The following KIAA0825 variants were observed in gnomAD, a reference collection of about 807,000 sequenced individuals.
KIAA0825 encodes uncharacterized protein KIAA0825.
In KIAA0825, 119 loss-of-function variants were observed where a neutral mutation model predicts 147.6. The ratio of observed to expected loss-of-function variants is 0.81; its 90% CI spans 0.69 to 0.94. The LOEUF (loss-of-function observed/expected upper bound fraction) is 0.94, where lower values mean the gene tolerates loss of function less well. Among genes scored for constraint, KIAA0825 ranks in the 40% least tolerant of loss-of-function variants. The probability of loss-of-function intolerance (pLI) is 0.00; values close to 1 mark genes in which losing one functional copy is unlikely to be tolerated. For synonymous variants in KIAA0825, 470 were observed against 518.1 expected, an observed-to-expected ratio of 0.91 and a Z score of 1.26; for missense variants, 1,381 against 1,472.7, an observed-to-expected ratio of 0.94 and a Z score of 1.02.
At chr5:94,182,990 A>T (rs1313712131) in intron 20 of KIAA0825, among the ~76,000 whole-genome samples, 1 of 152,118 alleles carries the variant, frequency 6.6e-6, no homozygotes, top group African/African-American at 2.4e-5. Context: ...CTGTCCCAAG[A>T]GGTTGTGTAT....
chr5:94,584,087 A>G lies in KIAA0825; in HGVS notation c.-152-1504T>C, dbSNP rs567756514. ...AAAACCACAAAGATGGGGAGAAACTAGAGCAGAAAGACTGAAAATTCCAAA... is the reference window on the plus strand; with the variant it reads ...AAAACCACAAAGATGGGGAGAAACTGGAGCAGAAAGACTGAAAATTCCAAA... On this transcript the variant is annotated intron_variant, in intron 1 of 20. Transcript: ENST00000682413. Among the ~76,000 whole-genome samples, 9 of 152,390 alleles carry G rather than the reference A, an allele frequency of 5.9e-5. No homozygotes were observed. The East Asian group carries it at 1.3e-3, about 23-fold the overall frequency.
In KIAA0825 at chr5:94,464,989, G is replaced by A; in HGVS notation, c.1943C>T (p.Thr648Ile). The change falls in exon 11 of 21, where the codon ACC becomes ATC. Residue 648 changes from threonine to isoleucine, a missense_variant. Thr to Ile is a moderately conservative substitution (Grantham distance 89). Coordinates refer to ENST00000682413, the MANE Select transcript of KIAA0825 (RefSeq NM_001145678.3). ...CTGGGCTAACTTAGGAGGCAGAATG[G>A]TCCAGAGATCGTAATGAAGAGACCA... ...FCWSLHYDLW[T>I]ILPPKLAQEI... is the part of the protein sequence containing the mutation. 6.4e-7 allele frequency: 1 copy of A among 1,551,706 alleles called. No homozygotes were observed. Among genetic ancestry groups the A allele is most frequent in the South Asian group, 1.2e-5 (1 of 84,058 alleles).
At chr5:94,466,736 CAAAAAAAAA>C (rs56785201) in intron 10 of KIAA0825, among the ~76,000 whole-genome samples, 29 of 61,392 alleles carry the variant, frequency 4.7e-4, no homozygotes, top group Admixed American at 1.6e-3. Context: ...GACTGTGTCT[CAAAAAAAAA>C]AAAAAAAAAA....
intron 5 of KIAA0825, among the ~76,000 whole-genome samples, chr5:94,488,622 T>C (rs1584656421): frequency 6.6e-6 from 1 of 152,158 alleles, no homozygotes; most frequent in East Asian, 1.9e-4. Flanking sequence ...TATTATTTAG[T>C]GTATTTAAAA....
chr5:94,230,197 A>G (rs1168890164), intron 20 of KIAA0825, among the ~76,000 whole-genome samples: 3 of 152,180 alleles, frequency 2.0e-5, no homozygotes. Flanking sequence ...AGAATCTCCC[A>G]CTTGGAAGGT....
At chr5:94,466,246 T>G (rs563963408) in intron 10 of KIAA0825, among the ~76,000 whole-genome samples, 48 of 152,338 alleles carry the variant, frequency 3.2e-4, no homozygotes, top group Admixed American at 2.9e-3. Context: ...TACTAATATC[T>G]TCTGCAGCCA....
At position 94,370,628 on chromosome 5, in the gene KIAA0825, C is replaced by T. The variant is rs189887291; in HGVS notation, c.3710+13740G>A. On this transcript the variant is annotated intron_variant, in intron 20 of 20. Transcript: ENST00000682413. ...ATAAATTTAAAAACATAGTATCGGC[C>T]GGTTGCTGTGGCTGAAGCCTGTAAT... Among the ~76,000 whole-genome samples the T allele has an allele frequency of 2.2e-3, 337 of 152,100 alleles. 1 individual carries two copies. The highest frequency in any genetic ancestry group is 7.4e-3 in the African/African-American group (308 of 41,464).
chr5:94,550,765 C>A (rs147870501), intron 2 of KIAA0825, among the ~76,000 whole-genome samples: 80 of 151,726 alleles, frequency 5.3e-4, no homozygotes, highest in African/African-American at 1.9e-3. Context: ...TGGCGTGAGC[C>A]CGGGAGGCGG....
chr5:94,371,207 C>G (rs943924136), intron 20 of KIAA0825, among the ~76,000 whole-genome samples: 4 of 152,178 alleles, frequency 2.6e-5, no homozygotes, highest in Admixed American at 2.6e-4. Flanking sequence ...AGATTTCACA[C>G]TATGAGGAGA....
intron 20 of KIAA0825, among the ~76,000 whole-genome samples, chr5:94,163,932 A>C (rs1407776891): frequency 2.0e-5 from 3 of 152,212 alleles, no homozygotes; most frequent in Non-Finnish European, 4.4e-5. Context: ...TATAAGAATG[A>C]AATTAGAAGG....
At chr5:94,338,487 G>A (rs894410660) in intron 20 of KIAA0825, among the ~76,000 whole-genome samples, 1 of 152,018 alleles carries the variant, frequency 6.6e-6, no homozygotes, top group African/African-American at 2.4e-5. Context: ...CCACATAATG[G>A]TATTTCAGTC....
chr5:94,573,708 T>C (rs774816785), intron 2 of KIAA0825, among the ~76,000 whole-genome samples: 25 of 152,228 alleles, frequency 1.6e-4, no homozygotes, highest in Non-Finnish European at 2.9e-4. Context: ...GATCTAGCTA[T>C]GTTAATAGAG....
At chr5:94,197,459 T>C (rs1172549550) in intron 20 of KIAA0825, among the ~76,000 whole-genome samples, 1 of 152,182 alleles carries the variant, frequency 6.6e-6, no homozygotes, top group Non-Finnish European at 1.5e-5. Flanking sequence ...GTGCAGAAGA[T>C]TGTTAGTTTA....
intron 1 of KIAA0825, among the ~76,000 whole-genome samples, chr5:94,607,351 G>A (rs577355392): frequency 2.6e-5 from 4 of 152,166 alleles, no homozygotes; most frequent in South Asian, 2.1e-4. Flanking sequence ...GGCTGGGTGC[G>A]GTGGCTCATG....
chr5:94,463,536 C>T (rs1760093239), intron 11 of KIAA0825, among the ~76,000 whole-genome samples: 1 of 151,082 alleles, frequency 6.6e-6, no homozygotes. Flanking sequence ...TTCCTAATTG[C>T]TAGATAAACA....
At chr5:94,440,391 G>A (rs1562498794) in intron 13 of KIAA0825, among the ~76,000 whole-genome samples, 1 of 152,108 alleles carries the variant, frequency 6.6e-6, no homozygotes, top group Admixed American at 6.5e-5. Context: ...AACTATGTCT[G>A]TTTTTGTTTC....
chr5:94,332,996 A>G (rs1044838034), intron 20 of KIAA0825, among the ~76,000 whole-genome samples: 1 of 152,034 alleles, frequency 6.6e-6, no homozygotes, highest in Non-Finnish European at 1.5e-5. Context: ...GCTTTTTTTC[A>G]TATGTTTATT....
chr5:94,211,943 C>T (rs1466161781), intron 20 of KIAA0825, among the ~76,000 whole-genome samples: 1 of 152,136 alleles, frequency 6.6e-6, no homozygotes, highest in East Asian at 1.9e-4. Context: ...CCTGAATAAA[C>T]ACTGGCAAGT....
intron 20 of KIAA0825, among the ~76,000 whole-genome samples, chr5:94,294,097 G>C (rs1778030800): frequency 6.6e-6 from 1 of 152,080 alleles, no homozygotes; most frequent in African/African-American, 2.4e-5. Context: ...GCCAATCTAT[G>C]TCTTCAAATT....
Sources: gnomAD v4.1 joint callset for allele counts (sites outside exome capture counted in the v4.1 genomes callset) on GRCh38, gnomAD v4.1.1 for gene constraint, MANE v1.5 for transcripts, NCBI Gene and HGNC (gene_info 2026-07-23, HGNC 2026-07-21) for gene names.